LIPH: variants seen among roughly 807,000 people sequenced by gnomAD.
The protein encoded by LIPH is lipase H, also known as lipase member H.
LIPH carries 32 observed loss-of-function variants against 47.6 expected under a neutral mutation model. The observed-to-expected ratio is 0.67, with a 90% CI of 0.51 to 0.90. LIPH has a LOEUF of 0.90. Among genes scored for constraint, LIPH ranks in the 40% least tolerant of loss-of-function variants. LIPH has a pLI of 0.00. For missense variants in LIPH, 497 were observed against 541.4 expected, an observed-to-expected ratio of 0.92 and a Z score of 0.81; for synonymous variants, 190 against 195.6, an observed-to-expected ratio of 0.97 and a Z score of 0.24.
At chr3:185,529,195 A>AAAAAAG (rs1553823030) in intron 3 of LIPH, among the ~76,000 whole-genome samples, 31 of 148,190 alleles carry the variant, frequency 2.1e-4, no homozygotes, top group Admixed American at 6.7e-4. Context: ...AAAAAAAAGA[A>AAAAAAG]AAAAAGAAAA....
intron 8 of LIPH, among the ~76,000 whole-genome samples, chr3:185,511,906 A>T (rs1249591081): frequency 6.7e-6 from 1 of 149,182 alleles, no homozygotes; most frequent in African/African-American, 2.5e-5. Flanking sequence ...GTCAACTTTG[A>T]TGGGCAAAGT....
At chr3:185,543,138 GGCAGA>G (rs1720765719) in intron 1 of LIPH, among the ~76,000 whole-genome samples, 1 of 152,122 alleles carries the variant, frequency 6.6e-6, no homozygotes, top group African/African-American at 2.4e-5. Flanking sequence ...GAACCCGGGA[GGCAGA>G]GGTCGCAGTG....
chr3:185,513,880 A>G (rs1719644203), intron 8 of LIPH, among the ~76,000 whole-genome samples: 1 of 152,114 alleles, frequency 6.6e-6, no homozygotes, highest in East Asian at 1.9e-4. Context: ...CTCTACTAAA[A>G]ATACAAAAAA....
chr3:185,518,424 C>T (rs990659129), intron 6 of LIPH, among the ~76,000 whole-genome samples: 7 of 152,138 alleles, frequency 4.6e-5, no homozygotes, highest in African/African-American at 1.2e-4. Flanking sequence ...GGATTTCAGG[C>T]GCCCGCCACC....
rs767245573 is a variant in LIPH at position 185,514,453 on chromosome 3, A to G, written c.1051T>C (p.Leu351=). ...NVRRGDITIK[L]RDKAGNTTES... ...GTGGTGTTTCCAGCTTTGTCTCTCA[A>G]TTTGATGGTAATGTCCCCTCTTCTT... The change falls in exon 8 of 10, where the codon TTG becomes CTG. Residue 351 remains leucine, a synonymous_variant. Coordinates refer to ENST00000296252, the MANE Select transcript of LIPH (RefSeq NM_139248.3). 4.4e-6 allele frequency: 7 copies of G among 1,590,292 alleles called. No individual in the cohort carries two copies. The highest frequency in any genetic ancestry group is 3.3e-5 in the Admixed American group (2 of 59,982).
intron 3 of LIPH, 23 bp from the exon 4 acceptor site, chr3:185,527,608 T>C (rs754034128): frequency 6.7e-7 from 1 of 1,487,706 alleles, no homozygotes; most frequent in South Asian, 1.1e-5. Context: ...CAGAGTCACT[T>C]GGCAGCCCCA....
Position 185,534,910 on chromosome 3 carries a change from A to G in LIPH, c.272T>C (p.Leu91Ser), listed in dbSNP as rs765837711. The G allele has an allele frequency of 1.9e-6, 3 of 1,613,964 alleles. No individual in the cohort carries two copies. Among genetic ancestry groups the G allele is most frequent in the Admixed American group, 1.7e-5 (1 of 59,996 alleles). ...TTCAACAGAGAGCAAACCCTTTACT[A>G]AGTCATCCATCCAAACAGGAGGGGA... ...TGSPPVWMDD[L>S]VKGLLSVEDM... is the part of the protein sequence containing the mutation. The change falls in exon 2 of 10, where the codon TTA becomes TCA. Residue 91 changes from leucine (L) to serine (S), a missense_variant. Leu to Ser is a moderately radical substitution (Grantham distance 145). Coordinates refer to ENST00000296252, the MANE Select transcript of LIPH (RefSeq NM_139248.3).
intron 3 of LIPH, among the ~76,000 whole-genome samples, chr3:185,529,709 C>T (rs1720250768): frequency 1.3e-5 from 2 of 149,618 alleles, no homozygotes; most frequent in East Asian, 2.1e-4. Flanking sequence ...GGGCAACATA[C>T]GGAGACCCTG....
intron 7 of LIPH, among the ~76,000 whole-genome samples, chr3:185,516,380 C>T (rs1454008705): frequency 1.3e-5 from 2 of 152,140 alleles, no homozygotes; most frequent in East Asian, 3.9e-4. Context: ...TTGCAGTGAG[C>T]TGAGATTGCG....
intron 1 of LIPH, among the ~76,000 whole-genome samples, chr3:185,536,958 C>A (rs575537989): frequency 6.6e-6 from 1 of 152,308 alleles, no homozygotes; most frequent in East Asian, 1.9e-4. Context: ...AATCTCGGCT[C>A]ACTGCAAACT....
At chr3:185,552,340 A>G (rs1721074875) in intron 1 of LIPH, 83 bp downstream of exon 1, 2 of 933,910 alleles carry the variant, frequency 2.1e-6, no homozygotes, top group Non-Finnish European at 3.6e-6. Flanking sequence ...CACCGAAGGA[A>G]GTGGAATGAT....
chr3:185,551,779 A>G (rs557432291), intron 1 of LIPH, among the ~76,000 whole-genome samples: 1 of 152,156 alleles, frequency 6.6e-6, no homozygotes, highest in East Asian at 1.9e-4. Context: ...AACAAAACTG[A>G]ATACCTAAAA....
At chr3:185,523,792 G>A (rs1021572233) in intron 5 of LIPH, among the ~76,000 whole-genome samples, 2 of 131,756 alleles carry the variant, frequency 1.5e-5, no homozygotes, top group Admixed American at 7.7e-5. Context: ...GCGTGAACTC[G>A]GCTCACCGCA....
At chr3:185,546,213 G>A (rs1414755424) in intron 1 of LIPH, among the ~76,000 whole-genome samples, 1 of 151,822 alleles carries the variant, frequency 6.6e-6, no homozygotes, top group African/African-American at 2.4e-5. Flanking sequence ...TTAGCCGGGT[G>A]TGGTAGCGCA....
At chr3:185,516,089 G>A (rs1719721628) in intron 7 of LIPH, among the ~76,000 whole-genome samples, 1 of 152,064 alleles carries the variant, frequency 6.6e-6, no homozygotes, top group South Asian at 2.1e-4. Flanking sequence ...CCCCATTATT[G>A]TGCCACTGCA....
rs57080060 is a variant in LIPH at position 185,543,846 on chromosome 3, CTT to C, written c.49+8575_49+8576del. ...TTTACCACTAGGTGACTGGCTCTTG[CTT>C]TTTTTTTTTTTTTTTTTGATGCACG... On this transcript the variant is annotated intron_variant, in intron 1 of 9. Coordinates refer to ENST00000296252, the MANE Select transcript of LIPH (RefSeq NM_139248.3). Among the ~76,000 whole-genome samples, 259 of 108,660 alleles carry C rather than the reference CTT, an allele frequency of 2.4e-3. 1 individual carries two copies. Among genetic ancestry groups the C allele is most frequent in the African/African-American group, 2.4e-3 (70 of 29,300 alleles). The allele number at this position is 108,660 out of a possible 152,430, so 71.3% of individuals were successfully genotyped here. A position where few individuals can be genotyped will look rare whatever the true frequency, so the allele number is the denominator to read the frequency against.
intron 1 of LIPH, among the ~76,000 whole-genome samples, chr3:185,537,424 G>A (rs1168627595): frequency 2.6e-5 from 4 of 152,028 alleles, no homozygotes; most frequent in Non-Finnish European, 5.9e-5. Flanking sequence ...GTAGCGAGGC[G>A]TGCTCGTGAT....
chr3:185,508,831 T>C lies in LIPH; in HGVS notation c.1315A>G (p.Thr439Ala). 1 of 1,614,034 alleles carries C rather than the reference T, an allele frequency of 6.2e-7. No homozygotes were observed. Residue 439 changes from threonine (T) to alanine (A), a missense_variant, in exon 10 of 10, where the codon ACA becomes GCA. Physicochemically the swap from Thr to Ala is moderately conservative, Grantham distance 58. Coordinates refer to ENST00000296252, the MANE Select transcript of LIPH (RefSeq NM_139248.3). The stretch of plus-strand genomic sequence containing the variant: ...GGGCAAAGAATAGGTTGGAAGACTG[T>C]TTCAACGTTTTCCATCAGGACAAGA... ...YDLVLMENVE[T>A]VFQPILCPEL...
intron 3 of LIPH, among the ~76,000 whole-genome samples, chr3:185,529,946 G>GAA: frequency 1.9e-5 from 1 of 53,952 alleles, no homozygotes; most frequent in South Asian, 9.3e-4. Context: ...AAGAAAGAAA[G>GAA]AAAGAAAGAA....
Sources: gnomAD v4.1 joint callset for allele counts (sites outside exome capture counted in the v4.1 genomes callset) on GRCh38, gnomAD v4.1.1 for gene constraint, MANE v1.5 for transcripts, NCBI Gene and HGNC (gene_info 2026-07-23, HGNC 2026-07-21) for gene names.